Variants in CBLN2 observed in about 807,000 individuals in gnomAD.
CBLN2 encodes the protein cerebellin 2 precursor, also known as cerebellin-2.
CBLN2 carries 7 observed loss-of-function variants against 15.0 expected under a neutral mutation model. That is an observed-to-expected ratio of 0.47 (90% CI 0.27 to 0.88). The LOEUF is 0.88. Among genes scored for constraint, CBLN2 ranks in the 40% least tolerant of loss-of-function variants. CBLN2 has a pLI of 0.14. For missense variants in CBLN2, 242 were observed against 304.5 expected (o/e 0.79, Z 1.53); for synonymous variants, 149 against 135.2 (o/e 1.10, Z -0.71).
chr18:72,560,738 G>C (rs1216982440), intron 1 of CBLN2, among the ~76,000 whole-genome samples: 1 of 152,240 alleles, frequency 6.6e-6, no homozygotes, highest in Non-Finnish European at 1.5e-5. Context: ...GCCGGGTGTG[G>C]TGGCTCACGC....
chr18:72,550,644 AG>A (rs2069186206), intron 1 of CBLN2, among the ~76,000 whole-genome samples: 1 of 152,170 alleles, frequency 6.6e-6, no homozygotes, highest in Admixed American at 6.5e-5. Context: ...TAAAATAAAA[AG>A]TTTGTATCAT....
At chr18:72,578,758 G>C (rs1463394098) in intron 1 of CBLN2, among the ~76,000 whole-genome samples, 2 of 152,106 alleles carry the variant, frequency 1.3e-5, no homozygotes, top group South Asian at 2.1e-4. Context: ...ACACTCCTTA[G>C]TGTGCTACCT....
At chr18:72,562,323 A>G (rs996792361) in intron 1 of CBLN2, among the ~76,000 whole-genome samples, 13 of 152,254 alleles carry the variant, frequency 8.5e-5, no homozygotes, top group Non-Finnish European at 2.9e-5. Flanking sequence ...ATGAAATCAT[A>G]TAGGAAGAAA....
intron 1 of CBLN2, among the ~76,000 whole-genome samples, chr18:72,575,716 T>A (rs114549297): frequency 1.3e-5 from 2 of 152,070 alleles, no homozygotes; most frequent in African/African-American, 2.4e-5. Flanking sequence ...GGCGATTTTG[T>A]TGATGCTGGA....
chr18:72,611,954 A>G (rs2069625320), intron 1 of CBLN2, among the ~76,000 whole-genome samples: 1 of 152,162 alleles, frequency 6.6e-6, no homozygotes, highest in Admixed American at 6.5e-5. Context: ...ATTCTTCTAT[A>G]TATGGCTGGC....
At chr18:72,602,155 T>C (rs1366047148) in intron 1 of CBLN2, among the ~76,000 whole-genome samples, 2 of 152,136 alleles carry the variant, frequency 1.3e-5, no homozygotes, top group African/African-American at 4.8e-5. Flanking sequence ...CCAGAAGTGG[T>C]GCTAGTGGGA....
intron 1 of CBLN2, among the ~76,000 whole-genome samples, chr18:72,553,760 A>C (rs1263285457): frequency 1.3e-5 from 2 of 152,200 alleles, no homozygotes; most frequent in African/African-American, 2.4e-5. Context: ...AAAAGAGGAC[A>C]GGGTTAAAGT....
chr18:72,602,932 C>T (rs2069558482), intron 1 of CBLN2, among the ~76,000 whole-genome samples: 1 of 152,182 alleles, frequency 6.6e-6, no homozygotes, highest in Non-Finnish European at 1.5e-5. Flanking sequence ...CTACCTGATT[C>T]CACCTTTTTG....
Position 72,537,380 on chromosome 18 carries a change from G to T in CBLN2, c.*796C>A, listed in dbSNP as rs896660034. 6.6e-6 allele frequency: 1 copy of T among 152,026 alleles called. No homozygotes were observed. Among genetic ancestry groups the T allele is most frequent in the Non-Finnish European group, 1.5e-5 (1 of 68,016 alleles). The allele number at this position is 152,026 out of a possible 1,614,324, so 9.4% of individuals were successfully genotyped here. A position where few individuals can be genotyped will look rare whatever the true frequency, so the allele number is the denominator to read the frequency against. On this transcript the variant is annotated 3_prime_UTR_variant, in exon 5 of 5. Transcript: ENST00000269503. ...GATACTTTTTGTTTAGTTTGGTCTC[G>T]TCTAAAACAAAACATACAGGTATTT...
chr18:72,539,557 G>A (rs1568248387), intron 3 of CBLN2: 1 of 152,288 alleles, frequency 6.6e-6, no homozygotes, highest in Non-Finnish European at 1.5e-5. Context: ...CTTAGCTTAA[G>A]CTAATGGGAA....
At chr18:72,592,684 G>T (rs934595190) in intron 1 of CBLN2, among the ~76,000 whole-genome samples, 1 of 152,066 alleles carries the variant, frequency 6.6e-6, no homozygotes, top group Non-Finnish European at 1.5e-5. Context: ...GTGAGAGATA[G>T]GGGTCTAGTT....
At chr18:72,624,643 GA>G (rs1201589583) in intron 1 of CBLN2, among the ~76,000 whole-genome samples, 2 of 152,006 alleles carry the variant, frequency 1.3e-5, no homozygotes, top group Non-Finnish European at 2.9e-5. Context: ...GTCTCAAAAA[GA>G]AAACCAAAAA....
At chr18:72,580,486 T>C (rs1215577425) in intron 1 of CBLN2, among the ~76,000 whole-genome samples, 1 of 152,158 alleles carries the variant, frequency 6.6e-6, no homozygotes, top group African/African-American at 2.4e-5. Flanking sequence ...TATCTGAATA[T>C]TATGGCATCA....
intron 1 of CBLN2, among the ~76,000 whole-genome samples, chr18:72,636,596 C>T (rs1171686661): frequency 6.6e-6 from 1 of 152,134 alleles, no homozygotes; most frequent in African/African-American, 2.4e-5. Context: ...TCTCCCGTTC[C>T]CCGTGGTACA....
intron 1 of CBLN2, among the ~76,000 whole-genome samples, chr18:72,573,558 T>A (rs149888583): frequency 2.6e-5 from 4 of 152,334 alleles, no homozygotes; most frequent in African/African-American, 9.6e-5. Flanking sequence ...ATGTAACCTT[T>A]TCAGATTGGC....
intron 1 of CBLN2, among the ~76,000 whole-genome samples, chr18:72,621,220 A>G (rs2069698612): frequency 6.6e-6 from 1 of 152,130 alleles, no homozygotes; most frequent in South Asian, 2.1e-4. Flanking sequence ...TACCTCTTTA[A>G]TTTGAATCTA....
chr18:72,560,996 G>A (rs550629724), intron 1 of CBLN2, among the ~76,000 whole-genome samples: 6 of 152,080 alleles, frequency 3.9e-5, no homozygotes, highest in Admixed American at 1.3e-4. Context: ...GTGACAGAGC[G>A]AGACTCCGTC....
At position 72,637,912 on chromosome 18, in the gene CBLN2, A is replaced by G. The variant is rs374707273; in HGVS notation, c.15+413T>C. Among the ~76,000 whole-genome samples, 95 of 152,334 alleles carry G rather than the reference A, an allele frequency of 6.2e-4. 1 individual carries two copies. The East Asian group carries it at 0.016, about 25-fold the overall frequency. On this transcript the variant is annotated intron_variant, in intron 1 of 2. Transcript: ENST00000581073. ...GTCACTGGCAGGCGCTGAAGAAGAC[A>G]GCGGAGCTCTGATGAGGAGCCAGCC...
chr18:72,573,964 C>T (rs866136143), intron 1 of CBLN2, among the ~76,000 whole-genome samples: 6 of 152,118 alleles, frequency 3.9e-5, no homozygotes, highest in East Asian at 1.9e-4. Context: ...TCCTTATTTT[C>T]GATTTTCGCC....
Sources: gnomAD v4.1 joint callset for allele counts (sites outside exome capture counted in the v4.1 genomes callset) on GRCh38, gnomAD v4.1.1 for gene constraint, MANE v1.5 for transcripts, NCBI Gene and HGNC (gene_info 2026-07-23, HGNC 2026-07-21) for gene names.